CDH12: variants seen among roughly 807,000 people sequenced by gnomAD.
CDH12 encodes cadherin-12.
A neutral mutation model predicts 74.1 loss-of-function variants in CDH12; 41 were observed. The ratio of observed to expected loss-of-function variants is 0.55; its 90% CI spans 0.43 to 0.72. The LOEUF is 0.72. Ranked by LOEUF, CDH12 falls within the 30% of genes least tolerant of loss-of-function variation. The pLI is 0.00. For missense variants in CDH12, 945 were observed against 977.2 expected, an observed-to-expected ratio of 0.97 and a Z score of 0.44; for synonymous variants, 399 against 355.0, an observed-to-expected ratio of 1.12 and a Z score of -1.39.
At chr5:21,816,690 G>A (rs1029968459) in intron 9 of CDH12, among the ~76,000 whole-genome samples, 2 of 127,632 alleles carry the variant, frequency 1.6e-5, no homozygotes, top group South Asian at 2.7e-4. Flanking sequence ...TACAAACTAT[G>A]TGTCAAATGT....
intron 6 of CDH12, among the ~76,000 whole-genome samples, chr5:21,910,672 T>C (rs1235493042): frequency 1.2e-5 from 1 of 81,272 alleles, no homozygotes; most frequent in Non-Finnish European, 3.1e-5. Context: ...AAGGTAGGAT[T>C]TATCTTTTTT....
In CDH12 at chr5:22,236,925, C is replaced by T. The variant is rs186398167; in HGVS notation, c.-332-24282G>A. On this transcript the variant is annotated intron_variant, in intron 3 of 14. Transcript: ENST00000382254. Reference sequence around the variant, plus strand: ...AATAACAAAACCTTCTTCTGGAATACCTCCTGAAGGCCCTGCTTGAGGCTG... The same window carrying T: ...AATAACAAAACCTTCTTCTGGAATATCTCCTGAAGGCCCTGCTTGAGGCTG... 2.4e-3 allele frequency among the ~76,000 whole-genome samples: 369 copies of T among 151,750 alleles called. 4 individuals are homozygous for T. Among genetic ancestry groups the T allele is most frequent in the African/African-American group, 8.7e-3 (362 of 41,390 alleles).
At chr5:21,930,942 C>T (rs1754808061) in intron 6 of CDH12, among the ~76,000 whole-genome samples, 1 of 152,088 alleles carries the variant, frequency 6.6e-6, no homozygotes, top group Non-Finnish European at 1.5e-5. Flanking sequence ...CATCCCATAA[C>T]CTAAAAGGGA....
intron 3 of CDH12, among the ~76,000 whole-genome samples, chr5:22,395,593 C>T (rs1241430627): frequency 1.3e-5 from 2 of 151,958 alleles, no homozygotes; most frequent in Admixed American, 6.6e-5. Flanking sequence ...GTATACAAAA[C>T]TGGGAATTAA....
At chr5:22,499,477 G>A (rs1747246366) in intron 2 of CDH12, among the ~76,000 whole-genome samples, 1 of 152,040 alleles carries the variant, frequency 6.6e-6, no homozygotes, top group Non-Finnish European at 1.5e-5. Flanking sequence ...GCACAGTCTT[G>A]TTAGAAAACA....
At chr5:22,379,333 C>T (rs79814269) in intron 3 of CDH12, among the ~76,000 whole-genome samples, 3,456 of 152,128 alleles carry the variant, frequency 0.023, 64 homozygotes, top group African/African-American at 0.051. Context: ...GGAAATGGCA[C>T]GCTTTCTATT....
At chr5:21,958,636 C>A (rs1252173396) in intron 6 of CDH12, among the ~76,000 whole-genome samples, 1 of 152,026 alleles carries the variant, frequency 6.6e-6, no homozygotes, top group African/African-American at 2.4e-5. Flanking sequence ...GTTCTTTATT[C>A]TGTTCTATTG....
intron 3 of CDH12, among the ~76,000 whole-genome samples, chr5:22,261,801 A>AT (rs1261185788): frequency 6.6e-6 from 1 of 152,066 alleles, no homozygotes; most frequent in Non-Finnish European, 1.5e-5. Context: ...AAAAAAAAAA[A>AT]AAATACATGG....
intron 3 of CDH12, among the ~76,000 whole-genome samples, chr5:22,399,029 G>A (rs145258685): frequency 2.6e-5 from 4 of 151,828 alleles, no homozygotes; most frequent in Non-Finnish European, 5.9e-5. Flanking sequence ...TTTTTGTTTT[G>A]TTTTGTTTGC....
chr5:22,669,949 T>A (rs150434457), intron 1 of CDH12, among the ~76,000 whole-genome samples: 36 of 152,322 alleles, frequency 2.4e-4, no homozygotes, highest in African/African-American at 8.4e-4. Flanking sequence ...ATCACTTCCA[T>A]AATATTTTCA....
chr5:22,048,813 C>A (rs1740144762), intron 5 of CDH12, among the ~76,000 whole-genome samples: 1 of 151,962 alleles, frequency 6.6e-6, no homozygotes, highest in Non-Finnish European at 1.5e-5. Flanking sequence ...GAACTATTTG[C>A]AGACAGAGTT....
chr5:22,399,585 G>A (rs1324303076), intron 3 of CDH12, among the ~76,000 whole-genome samples: 1 of 152,032 alleles, frequency 6.6e-6, no homozygotes, highest in African/African-American at 2.4e-5. Context: ...GGATCCAGAG[G>A]CCATAGAGAA....
At chr5:22,393,402 CA>C (rs1364455491) in intron 3 of CDH12, among the ~76,000 whole-genome samples, 2 of 152,102 alleles carry the variant, frequency 1.3e-5, no homozygotes, top group African/African-American at 4.8e-5. Context: ...TTAAGACTTC[CA>C]GCCTCTAACA....
chr5:22,049,556 CATCT>C lies in CDH12; in HGVS notation c.231+28886_231+28889del, dbSNP rs1740204960. On this transcript the variant is annotated intron_variant, in intron 5 of 14. Coordinates refer to ENST00000382254, the MANE Select transcript of CDH12 (RefSeq NM_004061.5). ...CTGTCCTATTCTCTCCCTGTTAATA[CATCT>C]AACTTCCTACTGGTTTCCATTTCAA... is the stretch of plus-strand genomic sequence containing the variant. Among the ~76,000 whole-genome samples, 10 of 152,104 alleles carry C rather than the reference CATCT, an allele frequency of 6.6e-5. 1 individual carries two copies. The highest frequency in any genetic ancestry group is 6.6e-4 in the Admixed American group (10 of 15,262).
intron 4 of CDH12, among the ~76,000 whole-genome samples, chr5:22,124,272 G>T (rs1745707950): frequency 6.6e-6 from 1 of 151,908 alleles, no homozygotes; most frequent in Admixed American, 6.6e-5. Flanking sequence ...CACATGCGTG[G>T]GCCACCACGC....
chr5:21,911,944 TTAAG>T (rs1753877262), intron 6 of CDH12, among the ~76,000 whole-genome samples: 1 of 152,160 alleles, frequency 6.6e-6, no homozygotes, highest in Non-Finnish European at 1.5e-5. Flanking sequence ...TTGAACAACT[TTAAG>T]TATTCCAATT....
chr5:22,572,603 T>G (rs1327392799), intron 1 of CDH12, among the ~76,000 whole-genome samples: 2 of 152,124 alleles, frequency 1.3e-5, no homozygotes, highest in Non-Finnish European at 2.9e-5. Context: ...GCTTGGTATA[T>G]TGGATTTATA....
In CDH12 at chr5:22,472,266, C is replaced by A. The variant is rs144630767; in HGVS notation, c.-428+33004G>T. Among the ~76,000 whole-genome samples the A allele has an allele frequency of 2.5e-3, 379 of 152,176 alleles. 2 individuals carry two copies. Among genetic ancestry groups the A allele is most frequent in the African/African-American group, 8.5e-3 (354 of 41,546 alleles). Reference sequence around the variant, plus strand: ...TAGTCAAAAAGAATGCCCAGAGAAGCCTGACTAAACTTTAGTCAATGAGAG... The same window carrying A: ...TAGTCAAAAAGAATGCCCAGAGAAGACTGACTAAACTTTAGTCAATGAGAG... On this transcript the variant is annotated intron_variant, in intron 2 of 14. Transcript: ENST00000382254.
chr5:21,882,838 CA>C lies in CDH12; in HGVS notation c.527-28049del. ...AAAGATGGTGTGACTGTTGCAAAGT[CA>C]ATTGACTTGAAGGATAAATATAAAA... On this transcript the variant is annotated intron_variant, in intron 6 of 14. Coordinates refer to ENST00000382254, the MANE Select transcript of CDH12 (RefSeq NM_004061.5). 5 of 1,562,532 alleles carry C rather than the reference CA, an allele frequency of 3.2e-6. No homozygotes were observed. In the South Asian group the frequency reaches 5.6e-5, roughly 17 times the overall value.
Sources: allele counts gnomAD v4.1 joint callset (sites outside exome capture counted in the v4.1 genomes callset), GRCh38; gene constraint gnomAD v4.1.1; transcripts MANE v1.5; gene names NCBI Gene and HGNC (gene_info 2026-07-23, HGNC 2026-07-21).